The following SDK2 variants were observed in gnomAD, a reference collection of about 807,000 sequenced individuals.
SDK2 encodes protein sidekick-2.
In SDK2, 105 loss-of-function variants were observed where a neutral mutation model predicts 253.9. That is an observed-to-expected ratio of 0.41 (90% CI 0.35 to 0.49). The LOEUF (loss-of-function observed/expected upper bound fraction) is 0.49, where lower values mean the gene tolerates loss of function less well. Among genes scored for constraint, SDK2 ranks in the 20% least tolerant of loss-of-function variants. The pLI is 0.06. For missense variants in SDK2, 2,608 were observed against 3,003.0 expected (o/e 0.87, Z 3.07); for synonymous variants, 1,249 against 1,234.9 (o/e 1.01, Z -0.24).
chr17:73,497,838 A>G (rs1338771674), intron 2 of SDK2, among the ~76,000 whole-genome samples: 4 of 152,186 alleles, frequency 2.6e-5, no homozygotes, highest in African/African-American at 7.2e-5. Context: ...AGAAAATGCA[A>G]GTCCCTAAGA....
intron 38 of SDK2, among the ~76,000 whole-genome samples, chr17:73,364,782 C>T (rs988057246): frequency 5.3e-5 from 8 of 152,054 alleles, no homozygotes; most frequent in Non-Finnish European, 1.0e-4. Context: ...CCACCACACC[C>T]GGCTAATTTT....
chr17:73,341,553 G>C (rs927036060), intron 44 of SDK2, among the ~76,000 whole-genome samples: 3 of 152,108 alleles, frequency 2.0e-5, no homozygotes, highest in Non-Finnish European at 4.4e-5. Context: ...CCCTGCCTGG[G>C]GGCAGTTAGC....
intron 29 of SDK2, among the ~76,000 whole-genome samples, chr17:73,389,183 C>CTTT (rs61085516): frequency 8.1e-5 from 8 of 99,012 alleles, no homozygotes; most frequent in Non-Finnish European, 9.3e-5. Flanking sequence ...ATATTCCTTT[C>CTTT]TTTTTTTTTT....
chr17:73,507,392 C>A, intron 2 of SDK2, 46 bp downstream of exon 2: 1 of 1,529,424 alleles, frequency 6.5e-7, no homozygotes, highest in East Asian at 2.5e-5. Context: ...CAAAGCAGGG[C>A]AGTGGTCCTG....
chr17:73,472,002 G>C (rs1289404541), intron 3 of SDK2, 110 bp downstream of exon 3: 2 of 775,230 alleles, frequency 2.6e-6, no homozygotes, highest in Non-Finnish European at 4.2e-6. Context: ...TGGGCACTCA[G>C]TGGGTGTTGA....
chr17:73,561,679 G>A (rs780914360), intron 1 of SDK2, among the ~76,000 whole-genome samples: 2 of 152,260 alleles, frequency 1.3e-5, no homozygotes, highest in Non-Finnish European at 2.9e-5. Flanking sequence ...TGGCCTTAGA[G>A]TGGGGAGCAC....
chr17:73,576,650 G>C (rs2045461977), intron 1 of SDK2, among the ~76,000 whole-genome samples: 1 of 152,160 alleles, frequency 6.6e-6, no homozygotes, highest in African/African-American at 2.4e-5. Flanking sequence ...TACAAAATTG[G>C]TGCATGTAAA....
Position 73,431,612 on chromosome 17 carries a change from G to A in SDK2, c.1370C>T (p.Ser457Leu), listed in dbSNP as rs766912066. 9.9e-6 allele frequency: 16 copies of A among 1,613,460 alleles called. No individual in the cohort carries two copies. Among genetic ancestry groups the A allele is most frequent in the Admixed American group, 5.0e-5 (3 of 60,004 alleles). Residue 457 changes from serine to leucine, a missense_variant, in exon 11 of 45, where the codon TCG becomes TTG. Ser to Leu is a moderately radical substitution (Grantham distance 145). Coordinates refer to ENST00000392650, the MANE Select transcript of SDK2 (RefSeq NM_001144952.2). This position sits in a 1 kb window ranked among gnomAD's most constrained non-coding sequence, Gnocchi z 5.6. ...VQLPRFTPLE[S>L]GSLLISPTHI... The stretch of plus-strand genomic sequence containing the variant: ...TGTGGGGCTGATGAGGAGGCTGCCC[G>A]ACTCCAGGGGTGTGAAGCGAGGCAG...
intron 32 of SDK2, among the ~76,000 whole-genome samples, chr17:73,384,797 C>T (rs1053097387): frequency 6.6e-6 from 1 of 152,222 alleles, no homozygotes; most frequent in Admixed American, 6.5e-5. Flanking sequence ...GCCTGGGCAA[C>T]AGCGCAAGAC....
intron 1 of SDK2, among the ~76,000 whole-genome samples, chr17:73,523,260 G>C (rs747931403): frequency 6.6e-6 from 1 of 151,850 alleles, no homozygotes; most frequent in Non-Finnish European, 1.5e-5. Flanking sequence ...TATGCCAGGA[G>C]AGCCTCTCTT....
intron 3 of SDK2, among the ~76,000 whole-genome samples, chr17:73,471,699 C>A (rs1291933966): frequency 6.6e-6 from 1 of 152,166 alleles, no homozygotes; most frequent in Admixed American, 6.5e-5. Context: ...TCTGAAGATG[C>A]CCCTTCCCAG....
chr17:73,513,724 G>A (rs909028326), intron 1 of SDK2: 4 of 152,194 alleles, frequency 2.6e-5, no homozygotes, highest in Admixed American at 2.6e-4. Flanking sequence ...TTAAAGAAAC[G>A]ATTGTCCCTC....
rs575143284 is a variant in SDK2, at chr17:73,339,117, G to A, written c.6166-177C>T. Among the ~76,000 whole-genome samples the A allele has an allele frequency of 7.2e-5, 11 of 152,272 alleles. No homozygotes were observed. In the South Asian group the frequency reaches 8.3e-4, roughly 11 times the overall value. ...GGGGGTCTGGTGCCCGTTTGTGCCC[G>A]CCTGCTGCTTCCTTCACAGCAGATC... On this transcript the variant is annotated intron_variant, in intron 44 of 44. Coordinates refer to ENST00000392650, the MANE Select transcript of SDK2 (RefSeq NM_001144952.2).
intron 1 of SDK2, among the ~76,000 whole-genome samples, chr17:73,551,500 C>T (rs1349698698): frequency 3.9e-5 from 6 of 152,208 alleles, no homozygotes. Context: ...CTCCCTCCTT[C>T]CATCTCTGGT....
intron 44 of SDK2, among the ~76,000 whole-genome samples, chr17:73,346,673 G>A (rs573635960): frequency 2.0e-5 from 3 of 152,230 alleles, no homozygotes; most frequent in African/African-American, 7.2e-5. Context: ...TCAAACTGAC[G>A]CTTTGTTTAT....
intron 5 of SDK2, among the ~76,000 whole-genome samples, chr17:73,444,228 C>A (rs1416506676): frequency 6.6e-6 from 1 of 152,142 alleles, no homozygotes; most frequent in East Asian, 1.9e-4. Flanking sequence ...GCACATTAAG[C>A]CCTGCAGGGT....
rs2046411661 is a variant in SDK2 at position 73,642,593 on chromosome 17, C to CGGCA, written c.64+1431_64+1432insTGCC. Among the ~76,000 whole-genome samples the CGGCA allele has an allele frequency of 1.3e-5, 2 of 152,290 alleles. No individual in the cohort carries two copies. Among genetic ancestry groups the CGGCA allele is most frequent in the African/African-American group, 4.8e-5 (2 of 41,562 alleles). ...GCTCAGAACTCATCTGGTTCCAGACCTGCCTCTGCCCCCAGATCACAGAGT... is the reference window on the plus strand; with the variant it reads ...GCTCAGAACTCATCTGGTTCCAGACCGGCATGCCTCTGCCCCCAGATCACAGAGT... On this transcript the variant is annotated intron_variant, in intron 1 of 44. Coordinates refer to ENST00000392650, the MANE Select transcript of SDK2 (RefSeq NM_001144952.2). The surrounding 1 kb of genome is among the most constrained non-coding windows in gnomAD (Gnocchi z 4.7).
In SDK2 at chr17:73,390,432, A is replaced by G; in HGVS notation, c.4047T>C (p.Thr1349=). The part of the protein sequence containing the change: ...RLNTTTANTA[T]VEVLAPSARQ... ...GGGCGCTGGGTGCCAGCACCTCCAC[A>G]GTGGCGGTGTTGGCCGTGGTGGTGT... is the stretch of plus-strand genomic sequence containing the variant. Residue 1349 remains threonine, a synonymous_variant, in exon 29 of 45, where the codon ACT becomes ACC. Coordinates refer to ENST00000392650, the MANE Select transcript of SDK2 (RefSeq NM_001144952.2). 1.2e-6 allele frequency: 2 copies of G among 1,612,376 alleles called. No individual in the cohort carries two copies. Among genetic ancestry groups the G allele is most frequent in the South Asian group, 1.1e-5 (1 of 90,812 alleles).
At chr17:73,463,075 G>C (rs1366906166) in intron 3 of SDK2, among the ~76,000 whole-genome samples, 1 of 152,180 alleles carries the variant, frequency 6.6e-6, no homozygotes, top group African/African-American at 2.4e-5. Context: ...GACAATGACG[G>C]TGATAACGGA....
Sources: allele counts gnomAD v4.1 joint callset (sites outside exome capture counted in the v4.1 genomes callset), GRCh38; gene constraint gnomAD v4.1.1; non-coding constraint Gnocchi (gnomAD v3.1); transcripts MANE v1.5; gene names NCBI Gene and HGNC (gene_info 2026-07-23, HGNC 2026-07-21).